Variants in MKNK1 observed in about 807,000 individuals in gnomAD.
MKNK1 encodes the protein MAP kinase-interacting serine/threonine-protein kinase 1.
Under a neutral mutation model 49.3 loss-of-function variants are expected in MKNK1, and 30 were observed. The observed-to-expected ratio is 0.61, with a 90% CI of 0.46 to 0.83. MKNK1 has a LOEUF of 0.83. Ranked by LOEUF, MKNK1 falls within the 40% of genes least tolerant of loss-of-function variation. The pLI is 0.00. For synonymous variants in MKNK1, 176 were observed against 201.7 expected, an observed-to-expected ratio of 0.87 and a Z score of 1.08; for missense variants, 423 against 524.7, an observed-to-expected ratio of 0.81 and a Z score of 1.89.
chr1:46,586,175 T>C (rs953168010), intron 2 of MKNK1: 31 of 340,618 alleles, frequency 9.1e-5, no homozygotes, highest in Non-Finnish European at 1.3e-4. Flanking sequence ...CAAACACTCA[T>C]GGGATAAATG....
At chr1:46,561,728 TG>T in intron 10 of MKNK1, 86 bp from the exon 11 acceptor site, 1 of 1,467,408 alleles carries the variant, frequency 6.8e-7, no homozygotes, top group East Asian at 2.3e-5. Flanking sequence ...CGGCTTCAAT[TG>T]ATCTCAGCTG....
At chr1:46,576,199 C>T (rs1670923497) in intron 5 of MKNK1, 1 of 223,444 alleles carries the variant, frequency 4.5e-6, no homozygotes, top group African/African-American at 2.3e-5. Context: ...ATATTCTTAA[C>T]AGTTCTCCTC....
chr1:46,586,620 G>A (rs149759304), intron 2 of MKNK1, among the ~76,000 whole-genome samples: 1 of 152,140 alleles, frequency 6.6e-6, no homozygotes, highest in East Asian at 1.9e-4. Flanking sequence ...ACTGTTAGGT[G>A]TGGGGTATGT....
At chr1:46,597,821 A>G (rs1674271752) in intron 1 of MKNK1, among the ~76,000 whole-genome samples, 1 of 152,190 alleles carries the variant, frequency 6.6e-6, no homozygotes, top group Admixed American at 6.5e-5. Context: ...TCTTCCCTTA[A>G]GCTGTTTTAG....
Position 46,558,162 on chromosome 1 carries a change from A to C in MKNK1, c.*413T>G. ...GACCGCCAGAGGAGGGTGACAGAGA[A>C]GAGAGGGAAGAGGCACGTGTCGGCA... On this transcript the variant is annotated 3_prime_UTR_variant, in exon 13 of 13. Coordinates refer to ENST00000371945, the MANE Select transcript of MKNK1 (RefSeq NM_001135553.4). 6.0e-6 allele frequency: 1 copy of C among 167,686 alleles called. No individual in the cohort carries two copies. Among genetic ancestry groups the C allele is most frequent in the Non-Finnish European group, 1.3e-5 (1 of 77,526 alleles). The allele number at this position is 167,686 out of a possible 1,614,324, so 10.4% of individuals were successfully genotyped here.
At chr1:46,579,905 A>T (rs1394966995) in intron 4 of MKNK1, among the ~76,000 whole-genome samples, 1 of 151,986 alleles carries the variant, frequency 6.6e-6, no homozygotes, top group Non-Finnish European at 1.5e-5. Context: ...TTTTTCTGAG[A>T]CATCATTCAG....
At chr1:46,600,807 C>T (rs1674635921) in intron 1 of MKNK1, among the ~76,000 whole-genome samples, 1 of 152,176 alleles carries the variant, frequency 6.6e-6, no homozygotes, top group Non-Finnish European at 1.5e-5. Context: ...TGGAACACAG[C>T]AAGTGTGCAA....
At chr1:46,590,374 T>TCA (rs764129870) in intron 2 of MKNK1, among the ~76,000 whole-genome samples, 2 of 152,100 alleles carry the variant, frequency 1.3e-5, no homozygotes, top group East Asian at 1.9e-4. Flanking sequence ...GTGACATTAC[T>TCA]CACACACACA....
intron 11 of MKNK1, among the ~76,000 whole-genome samples, chr1:46,560,586 C>G (rs1318832196): frequency 6.6e-6 from 1 of 152,224 alleles, no homozygotes; most frequent in African/African-American, 2.4e-5. Flanking sequence ...CCTTCCCTGC[C>G]ACCTTCCTGC....
At position 46,564,044 on chromosome 1, in the gene MKNK1, C is replaced by CAAAAAAA. The variant is rs1217205121; in HGVS notation, c.609+990_609+996dup. On this transcript the variant is annotated intron_variant, in intron 9 of 12. Coordinates refer to ENST00000371945, the MANE Select transcript of MKNK1 (RefSeq NM_001135553.4). ...TGGGCAACAGAGCAAGACTCTGTCT[C>CAAAAAAA]AAAAAAAAAAAAAAAAAAAAAGGGT... Among the ~76,000 whole-genome samples, 10 of 39,078 alleles carry CAAAAAAA rather than the reference C, an allele frequency of 2.6e-4. 1 individual carries two copies. Among genetic ancestry groups the CAAAAAAA allele is most frequent in the Admixed American group, 5.6e-4 (1 of 1,772 alleles). The allele number at this position is 39,078 out of a possible 152,430, so 25.6% of individuals were successfully genotyped here. A position where few individuals can be genotyped will look rare whatever the true frequency, so the allele number is the denominator to read the frequency against.
intron 1 of MKNK1, among the ~76,000 whole-genome samples, chr1:46,602,608 C>T (rs1674879684): frequency 6.6e-6 from 1 of 152,194 alleles, no homozygotes; most frequent in South Asian, 2.1e-4. Flanking sequence ...TGGTCCAACA[C>T]AAATTCATAA....
At chr1:46,577,949 A>G (rs1454646343) in intron 4 of MKNK1, among the ~76,000 whole-genome samples, 2 of 152,252 alleles carry the variant, frequency 1.3e-5, no homozygotes, top group Non-Finnish European at 2.9e-5. Context: ...AACTTCTCCG[A>G]TATGATGTGG....
chr1:46,577,443 T>C (rs774496146), intron 4 of MKNK1, among the ~76,000 whole-genome samples: 3 of 152,156 alleles, frequency 2.0e-5, no homozygotes, highest in Non-Finnish European at 2.9e-5. Flanking sequence ...ATTGTGCCAT[T>C]GCACTCCAGC....
rs2148516229 is a variant in MKNK1 at position 46,557,712 on chromosome 1, G to C, written c.*863C>G. 1 of 152,514 alleles carries C rather than the reference G, an allele frequency of 6.6e-6. No homozygotes were observed. Among genetic ancestry groups the C allele is most frequent in the East Asian group, 1.9e-4 (1 of 5,184 alleles). The allele number at this position is 152,514 out of a possible 1,614,324, so 9.4% of individuals were successfully genotyped here. ...CAGCAGACACCGATGCTGTCTCTAAGTTCATCACAGGAACAGCTTAAAATC... is the reference window on the plus strand; with the variant it reads ...CAGCAGACACCGATGCTGTCTCTAACTTCATCACAGGAACAGCTTAAAATC... On this transcript the variant is annotated 3_prime_UTR_variant, in exon 13 of 13. Coordinates refer to ENST00000371945, the MANE Select transcript of MKNK1 (RefSeq NM_001135553.4).
At chr1:46,587,749 G>A (rs557008208) in intron 2 of MKNK1, among the ~76,000 whole-genome samples, 16 of 152,144 alleles carry the variant, frequency 1.1e-4, no homozygotes, top group African/African-American at 3.4e-4. Flanking sequence ...CCCCGGAGGC[G>A]GAGGTTGCGG....
At chr1:46,594,077 T>C (rs769771241) in intron 2 of MKNK1, 36 bp downstream of exon 2, 74 of 1,506,692 alleles carry the variant, frequency 4.9e-5, no homozygotes, top group Non-Finnish European at 5.8e-5. Flanking sequence ...TTTGAAGTAA[T>C]CTAAAAGGAT....
intron 1 of MKNK1, among the ~76,000 whole-genome samples, chr1:46,598,974 C>A (rs550090054): frequency 1.1e-4 from 17 of 152,342 alleles, no homozygotes; most frequent in African/African-American, 4.1e-4. Flanking sequence ...ATTACACCCA[C>A]ATCACAGAGT....
At chr1:46,594,539 T>G (rs1459342961) in intron 1 of MKNK1, among the ~76,000 whole-genome samples, 7 of 152,184 alleles carry the variant, frequency 4.6e-5, no homozygotes, top group Non-Finnish European at 1.0e-4. Context: ...TTCTAATTCC[T>G]CTCTATCCCC....
rs892100533 is a variant in MKNK1, at chr1:46,576,577, G to A, written c.276C>T (p.Asn92=). 6.2e-7 allele frequency: 1 copy of A among 1,613,518 alleles called. No individual in the cohort carries two copies. Among genetic ancestry groups the A allele is most frequent in the Non-Finnish European group, 8.5e-7 (1 of 1,179,458 alleles). The change falls in exon 5 of 13, where the codon AAC becomes AAT. Residue 92 remains asparagine (N), a splice_region_variant and synonymous_variant. Transcript: ENST00000371945. ...EVETLYQCQG[N]KNILELIEFF... The stretch of plus-strand genomic sequence containing the variant: ...AGCGAGAATCACATGATACTCACTT[G>A]TTTCCCTGACACTGATACAGCGTCT...
Sources: gnomAD v4.1 joint callset for allele counts (sites outside exome capture counted in the v4.1 genomes callset) on GRCh38, gnomAD v4.1.1 for gene constraint, MANE v1.5 for transcripts, NCBI Gene and HGNC (gene_info 2026-07-23, HGNC 2026-07-21) for gene names.